The following JARID2 variants were observed in gnomAD, a reference collection of about 807,000 sequenced individuals.
JARID2 encodes protein Jumonji.
A neutral mutation model predicts 125.6 loss-of-function variants in JARID2; 21 were observed. The observed-to-expected ratio is 0.17, with a 90% CI of 0.12 to 0.24. The LOEUF is 0.24. Among genes scored for constraint, JARID2 ranks in the 10% least tolerant of loss-of-function variants. JARID2 has a pLI of 1.00. For missense variants in JARID2, 1,303 were observed against 1,639.6 expected (o/e 0.79, Z 3.55); for synonymous variants, 736 against 661.6 (o/e 1.11, Z -1.73).
chr6:15,410,446 G>A lies in JARID2; in HGVS notation c.323+81G>A, dbSNP rs146470827. On this transcript the variant is annotated intron_variant, in intron 3 of 17. Coordinates refer to ENST00000341776, the MANE Select transcript of JARID2 (RefSeq NM_004973.4). ...GTGCCAGTTTTCACCACATGATAAC[G>A]TGAGCCCATTCACCCAATCTCTTGA... 6,504 of 1,385,790 alleles carry A rather than the reference G, an allele frequency of 4.7e-3. 21 individuals carry two copies. The highest frequency in any genetic ancestry group is 0.015 in the Middle Eastern group (80 of 5,470). 85.8% of individuals were successfully genotyped at this position (1,385,790 alleles called of 1,614,324 possible).
At chr6:15,365,193 C>G (rs1011603351) in intron 1 of JARID2, among the ~76,000 whole-genome samples, 1 of 152,120 alleles carries the variant, frequency 6.6e-6, no homozygotes, top group African/African-American at 2.4e-5. Context: ...AAGACACTGG[C>G]CAATAATTTA....
intron 3 of JARID2, among the ~76,000 whole-genome samples, chr6:15,419,817 G>A (rs1581536993): frequency 6.6e-6 from 1 of 152,152 alleles, no homozygotes; most frequent in Non-Finnish European, 1.5e-5. Flanking sequence ...ACTGGTTTTA[G>A]GCAATTTGAT....
chr6:15,368,750 C>T lies in JARID2; in HGVS notation c.46-5367C>T, dbSNP rs1764062763. 8.3e-6 allele frequency: 4 copies of T among 482,958 alleles called. No individual in the cohort carries two copies. The Middle Eastern group carries it at 9.7e-4, about 117-fold the overall frequency. 29.9% of individuals were successfully genotyped at this position (482,958 alleles called of 1,614,324 possible). ...TCTCAGGGTATATTTATATAGACATCTGAATTCTGACAGTAATACTGGCCG... is the reference window on the plus strand; with the variant it reads ...TCTCAGGGTATATTTATATAGACATTTGAATTCTGACAGTAATACTGGCCG... On this transcript the variant is annotated intron_variant, in intron 1 of 17. Transcript: ENST00000341776.
intron 1 of JARID2, among the ~76,000 whole-genome samples, chr6:15,253,752 C>G (rs183611241): frequency 6.6e-6 from 1 of 152,200 alleles, no homozygotes. Context: ...TAGAAAACAC[C>G]TCCAGATGAC....
Position 15,391,680 on chromosome 6 carries a change from A to G in JARID2, c.181+17428A>G, listed in dbSNP as rs1037616124. Among the ~76,000 whole-genome samples the G allele has an allele frequency of 2.6e-5, 4 of 152,366 alleles. No homozygotes were observed. In the South Asian group the frequency reaches 6.2e-4, roughly 24 times the overall value. On this transcript the variant is annotated intron_variant, in intron 2 of 17. Coordinates refer to ENST00000341776, the MANE Select transcript of JARID2 (RefSeq NM_004973.4). ...ATCTCAAGCAATATTGAATGCATCA[A>G]AAATTTGATATGTTGGAATGGGCAC... is the stretch of plus-strand genomic sequence containing the variant.
chr6:15,335,168 C>T (rs113112001), intron 1 of JARID2, among the ~76,000 whole-genome samples: 6,245 of 152,032 alleles, frequency 0.041, 197 homozygotes, highest in African/African-American at 0.087. Context: ...GGCTTGATTT[C>T]GGCTCACTGC....
intron 1 of JARID2, among the ~76,000 whole-genome samples, chr6:15,371,448 T>C (rs979149995): frequency 1.3e-5 from 2 of 152,256 alleles, no homozygotes; most frequent in Non-Finnish European, 2.9e-5. Flanking sequence ...GAATTCTGTC[T>C]GACAGCCTTT....
At position 15,508,446 on chromosome 6, in the gene JARID2, C is replaced by G; in HGVS notation, c.2838C>G (p.Asp946Glu). 1 of 1,573,222 alleles carries G rather than the reference C, an allele frequency of 6.4e-7. No homozygotes were observed. The highest frequency in any genetic ancestry group is 8.8e-7 in the Non-Finnish European group (1 of 1,142,726). The change falls in exon 12 of 18, where the codon GAC becomes GAG. Residue 946 changes from aspartate to glutamate, a missense_variant. Asp to Glu is a conservative substitution (Grantham distance 45). Around this residue, in one of 11 missense-constraint regions of JARID2, gnomAD observed 190 missense variants for 341.4 expected, o/e 0.56. Coordinates refer to ENST00000341776, the MANE Select transcript of JARID2 (RefSeq NM_004973.4). ...PYIDYLHTGA[D>E]CIWYCIPAEE... is the part of the protein sequence containing the mutation. ...TTGACTACTTACACACTGGTGCTGA[C>G]TGCATTTGGTGAGTACTGGCCCCAG...
chr6:15,303,160 C>T (rs1581390003), intron 1 of JARID2, among the ~76,000 whole-genome samples: 1 of 152,212 alleles, frequency 6.6e-6, no homozygotes, highest in Non-Finnish European at 1.5e-5. Context: ...TTAGGTCTTA[C>T]TGTGACAAAC....
At chr6:15,341,536 C>G (rs1029339083) in intron 1 of JARID2, among the ~76,000 whole-genome samples, 3 of 152,162 alleles carry the variant, frequency 2.0e-5, no homozygotes, top group African/African-American at 7.2e-5. Context: ...CATGCTTCAA[C>G]AAGGCTTCCC....
At position 15,507,323 on chromosome 6, in the gene JARID2, GTCCC is replaced by G. The variant is rs758322208; in HGVS notation, c.2661-20_2661-17del. The G allele has an allele frequency of 1.7e-4, 268 of 1,611,642 alleles. No homozygotes were observed. Among genetic ancestry groups the G allele is most frequent in the Admixed American group, 5.8e-4 (35 of 60,010 alleles). ...CATCCTTTCCCCGCCAGTTTGTAAC[GTCCC>G]TCGTCTTCCCCTTTGCAGGCATGGA... On this transcript the variant is annotated intron_variant, in intron 10 of 17. Coordinates refer to ENST00000341776, the MANE Select transcript of JARID2 (RefSeq NM_004973.4).
At chr6:15,464,602 A>G (rs1427525197) in intron 4 of JARID2, among the ~76,000 whole-genome samples, 2 of 152,174 alleles carry the variant, frequency 1.3e-5, no homozygotes, top group African/African-American at 4.8e-5. Context: ...GAAGGGGTAC[A>G]AGCTTAACCT....
At chr6:15,458,635 T>A (rs1581593097) in intron 4 of JARID2, among the ~76,000 whole-genome samples, 1 of 152,152 alleles carries the variant, frequency 6.6e-6, no homozygotes. Context: ...TGGTGGTGGG[T>A]GAAATTGAGG....
chr6:15,396,900 A>G (rs1765239900), intron 2 of JARID2, among the ~76,000 whole-genome samples: 1 of 152,192 alleles, frequency 6.6e-6, no homozygotes, highest in South Asian at 2.1e-4. Context: ...ACCATCACCC[A>G]GTCCGGGTCA....
At chr6:15,444,583 G>A (rs879081038) in intron 3 of JARID2, among the ~76,000 whole-genome samples, 1 of 151,872 alleles carries the variant, frequency 6.6e-6, no homozygotes, top group African/African-American at 2.4e-5. Flanking sequence ...AATGGAGTGG[G>A]TAATTATTTT....
chr6:15,491,889 AAGTC>A (rs1165677676), intron 6 of JARID2, among the ~76,000 whole-genome samples: 1 of 152,212 alleles, frequency 6.6e-6, no homozygotes, highest in African/African-American at 2.4e-5. Context: ...ATTAAGAACA[AAGTC>A]AGGTAGGAAC....
chr6:15,513,978 CT>C (rs1407799996), intron 16 of JARID2, among the ~76,000 whole-genome samples: 3 of 152,236 alleles, frequency 2.0e-5, no homozygotes, highest in Non-Finnish European at 4.4e-5. Flanking sequence ...ATCAGAGATG[CT>C]TTTCTGGCAC....
chr6:15,343,225 G>A lies in JARID2; in HGVS notation c.46-30892G>A, dbSNP rs796519125. 5.0e-4 allele frequency among the ~76,000 whole-genome samples: 18 copies of A among 36,252 alleles called. No individual in the cohort carries two copies. In the South Asian group the frequency reaches 6.8e-3, roughly 14 times the overall value. 23.8% of individuals were successfully genotyped at this position (36,252 alleles called of 152,430 possible). On this transcript the variant is annotated intron_variant, in intron 1 of 17. Coordinates refer to ENST00000341776, the MANE Select transcript of JARID2 (RefSeq NM_004973.4). The stretch of plus-strand genomic sequence containing the variant: ...GCCTGGGCGACAAGAACGAAACTCC[G>A]TCAAAAAAAAAAAAAAAAAAAAAAA...
intron 1 of JARID2, among the ~76,000 whole-genome samples, chr6:15,270,954 A>T (rs1442339088): frequency 6.6e-6 from 1 of 150,666 alleles, no homozygotes; most frequent in East Asian, 1.9e-4. Context: ...AAAAAAAAGG[A>T]GAGAAAAGAA....
Sources: gnomAD v4.1 joint callset for allele counts (sites outside exome capture counted in the v4.1 genomes callset) on GRCh38, gnomAD v4.1.1 for gene constraint, gnomAD v4.1.1 regional missense constraint, MANE v1.5 for transcripts, NCBI Gene and HGNC (gene_info 2026-07-23, HGNC 2026-07-21) for gene names.